The following YY1 variants were observed in gnomAD, a reference collection of about 807,000 sequenced individuals.
YY1 encodes YY1 transcription factor.
A neutral mutation model predicts 35.6 loss-of-function variants in YY1; 2 were observed. The ratio of observed to expected loss-of-function variants is 0.06; its 90% CI spans 0.02 to 0.18. The LOEUF is 0.18. YY1 is among the 10% of genes least tolerant of loss of function. The pLI is 1.00. For missense variants in YY1, 322 were observed against 573.4 expected (o/e 0.56, Z 4.48); for synonymous variants, 268 against 238.9 (o/e 1.12, Z -1.12).
At chr14:100,258,844 T>C (rs1891040690) in intron 1 of YY1, among the ~76,000 whole-genome samples, 1 of 152,260 alleles carries the variant, frequency 6.6e-6, no homozygotes, top group Non-Finnish European at 1.5e-5. Context: ...TATTCAGTGC[T>C]TTTCATTGCT....
rs1458219315 is a variant in YY1, at chr14:100,277,826, AAC to A, written c.*230_*231del. 54 of 546,080 alleles carry A rather than the reference AAC, an allele frequency of 9.9e-5. No individual in the cohort carries two copies. Among genetic ancestry groups the A allele is most frequent in the South Asian group, 3.2e-4 (14 of 43,924 alleles). The allele number at this position is 546,080 out of a possible 1,614,324, so 33.8% of individuals were successfully genotyped here. On this transcript the variant is annotated 3_prime_UTR_variant, in exon 5 of 5. Transcript: ENST00000262238. The surrounding 1 kb of genome is among the most constrained non-coding windows in gnomAD (Gnocchi z 5.6). The stretch of plus-strand genomic sequence containing the variant: ...TCTTGCTCTGTAATCTCGTTTCAAA[AAC>A]ACAGTGTTTTTGTAAAGTGTGGTCC...
intron 1 of YY1, among the ~76,000 whole-genome samples, chr14:100,254,753 A>G (rs1890976431): frequency 6.7e-6 from 1 of 148,626 alleles, no homozygotes; most frequent in South Asian, 2.1e-4. Context: ...CACCATGCCT[A>G]GCCTATTTTA....
chr14:100,249,259 T>G (rs1354425041), intron 1 of YY1, among the ~76,000 whole-genome samples: 1 of 151,714 alleles, frequency 6.6e-6, no homozygotes, highest in African/African-American at 2.4e-5. Flanking sequence ...TAACTGGGAT[T>G]ACAGGCTTGC....
At chr14:100,272,756 C>A (rs149199189) in intron 2 of YY1, among the ~76,000 whole-genome samples, 1 of 151,834 alleles carries the variant, frequency 6.6e-6, no homozygotes. Context: ...GTGCACCCCT[C>A]GCCAGAGCAG....
At chr14:100,243,255 T>C (rs754238859) in intron 1 of YY1, among the ~76,000 whole-genome samples, 10 of 152,240 alleles carry the variant, frequency 6.6e-5, no homozygotes, top group Admixed American at 2.0e-4. Context: ...TATGTGTACA[T>C]ATGGGTTGAG....
At chr14:100,264,025 T>C (rs1274116577) in intron 2 of YY1, 2 of 151,836 alleles carry the variant, frequency 1.3e-5, no homozygotes, top group Non-Finnish European at 2.9e-5. Context: ...AATTTTTTTA[T>C]TTTATTTTAT....
At chr14:100,262,146 G>C (rs1036537933) in intron 1 of YY1, among the ~76,000 whole-genome samples, 158 bp from the exon 2 acceptor site, 7 of 151,082 alleles carry the variant, frequency 4.6e-5, no homozygotes, top group Admixed American at 4.0e-4. Flanking sequence ...CTGGGTGACA[G>C]AGTGAGACCG....
At chr14:100,241,444 CTG>C (rs1327213487) in intron 1 of YY1, among the ~76,000 whole-genome samples, 1 of 151,974 alleles carries the variant, frequency 6.6e-6, no homozygotes, top group Non-Finnish European at 1.5e-5. Flanking sequence ...CTGGGTGGAT[CTG>C]TGATTGAAAG....
intron 2 of YY1, among the ~76,000 whole-genome samples, chr14:100,273,943 G>A (rs976346764): frequency 9.2e-5 from 14 of 151,936 alleles, no homozygotes; most frequent in African/African-American, 3.1e-4. Flanking sequence ...TCTGCCAGAC[G>A]GTTACCACAT....
At chr14:100,266,175 C>T (rs535082661) in intron 2 of YY1, among the ~76,000 whole-genome samples, 7 of 152,194 alleles carry the variant, frequency 4.6e-5, no homozygotes, top group East Asian at 1.9e-4. Flanking sequence ...TACCTCCCCC[C>T]GGGTCCCACC....
chr14:100,239,946 G>T, intron 1 of YY1, 23 bp downstream of exon 1: 1 of 1,511,450 alleles, frequency 6.6e-7, no homozygotes, highest in East Asian at 2.7e-5. Context: ...CGCGCGCCCC[G>T]GCCCCGGGAT....
At chr14:100,260,771 C>CTTTTTTTTTTTTTTTTTTTTTT (rs71113254) in intron 1 of YY1, among the ~76,000 whole-genome samples, 2 of 42,568 alleles carry the variant, frequency 4.7e-5, no homozygotes, top group Non-Finnish European at 8.7e-5. Flanking sequence ...GTGCCTGGTC[C>CTTTTTTTTTTTTTTTTTTTTTT]TTTTTTTTTT....
At chr14:100,248,601 C>T (rs1262430093) in intron 1 of YY1, among the ~76,000 whole-genome samples, 1 of 151,734 alleles carries the variant, frequency 6.6e-6, no homozygotes, top group African/African-American at 2.4e-5. Flanking sequence ...CTCCTGGGCT[C>T]AAGCGGTTCT....
chr14:100,268,610 A>G (rs770538403), intron 2 of YY1, among the ~76,000 whole-genome samples: 4 of 152,244 alleles, frequency 2.6e-5, no homozygotes, highest in Non-Finnish European at 5.9e-5. Context: ...ATGAAATGTG[A>G]TAATGGAGAT....
In YY1 at chr14:100,239,316, C is replaced by T. The variant is rs1412744567; in HGVS notation, c.72C>T (p.His24=). The T allele has an allele frequency of 6.2e-7, 1 of 1,604,194 alleles. No individual in the cohort carries two copies. Among genetic ancestry groups the T allele is most frequent in the South Asian group, 1.1e-5 (1 of 89,718 alleles). The change falls in exon 1 of 5, where the codon CAC becomes CAT. Residue 24 remains histidine (H), a synonymous_variant. Coordinates refer to ENST00000262238, the MANE Select transcript of YY1 (RefSeq NM_003403.5). The part of the protein sequence containing the change: ...SEMPAEIVEL[H]EIEVETIPVE... Reference sequence around the variant, plus strand: ...TGCCGGCCGAGATCGTGGAGCTGCACGAGATCGAGGTGGAGACCATCCCGG... The same window carrying T: ...TGCCGGCCGAGATCGTGGAGCTGCATGAGATCGAGGTGGAGACCATCCCGG...
rs1431910247 is a variant in YY1, at chr14:100,278,428, A to G, written c.*828A>G. ...TTTTAACACCTGATGTGTACATCCC[A>G]TGTAACAGAAAGGGCAACAATAAAA... On this transcript the variant is annotated 3_prime_UTR_variant, in exon 5 of 5. Coordinates refer to ENST00000262238, the MANE Select transcript of YY1 (RefSeq NM_003403.5). 20 of 152,664 alleles carry G rather than the reference A, an allele frequency of 1.3e-4. No homozygotes were observed. The highest frequency in any genetic ancestry group is 1.1e-3 in the Admixed American group (17 of 15,286). The allele number at this position is 152,664 out of a possible 1,614,324, so 9.5% of individuals were successfully genotyped here.
intron 1 of YY1, among the ~76,000 whole-genome samples, chr14:100,243,791 A>G (rs1194447433): frequency 3.5e-5 from 5 of 143,828 alleles, no homozygotes; most frequent in African/African-American, 1.1e-4. Flanking sequence ...CCTAGGTGAC[A>G]GTGAGACACT....
At chr14:100,266,448 A>G (rs1346022938) in intron 2 of YY1, among the ~76,000 whole-genome samples, 3 of 152,186 alleles carry the variant, frequency 2.0e-5, no homozygotes, top group Non-Finnish European at 2.9e-5. Context: ...CAGTAAAGCC[A>G]TTAGGTGTTG....
rs1891331171 is a variant in YY1 at position 100,277,054 on chromosome 14, A to G, written c.1063-364A>G. On this transcript the variant is annotated intron_variant, in intron 4 of 4. Coordinates refer to ENST00000262238, the MANE Select transcript of YY1 (RefSeq NM_003403.5). The surrounding 1 kb of genome is among the most constrained non-coding windows in gnomAD (Gnocchi z 5.6). ...ATACTTTAGCCCATAAATAAGTGAA[A>G]GAACTAGCAGTGCAGCTAGTAAATC... The G allele has an allele frequency of 1.4e-5, 6 of 421,060 alleles. No individual in the cohort carries two copies. In the South Asian group the frequency reaches 1.5e-4, roughly 11 times the overall value. 26.1% of individuals were successfully genotyped at this position (421,060 alleles called of 1,614,324 possible).
Sources: gnomAD v4.1 joint callset for allele counts (sites outside exome capture counted in the v4.1 genomes callset) on GRCh38, gnomAD v4.1.1 for gene constraint, Gnocchi (gnomAD v3.1) non-coding constraint, MANE v1.5 for transcripts, NCBI Gene and HGNC (gene_info 2026-07-23, HGNC 2026-07-21) for gene names.